Variants in NHSL1 observed in about 807,000 individuals in gnomAD.
The protein encoded by NHSL1 is NHS like 1, also known as NHS-like protein 1.
In NHSL1, 48 loss-of-function variants were observed where a neutral mutation model predicts 95.0. That is an observed-to-expected ratio of 0.51 (90% CI 0.40 to 0.64). The LOEUF (loss-of-function observed/expected upper bound fraction) is 0.64. Ranked by LOEUF, NHSL1 falls within the 30% of genes least tolerant of loss-of-function variation. NHSL1 has a pLI of 0.00. For synonymous variants in NHSL1, 783 were observed against 833.9 expected, an observed-to-expected ratio of 0.94 and a Z score of 1.05; for missense variants, 1,971 against 2,077.7, an observed-to-expected ratio of 0.95 and a Z score of 1.00.
chr6:138,596,481 G>A (rs922755716), intron 1 of NHSL1, among the ~76,000 whole-genome samples: 2 of 152,190 alleles, frequency 1.3e-5, no homozygotes, highest in Admixed American at 1.3e-4. Context: ...ATGTGGACAA[G>A]TCAAAATGTG....
rs10559023 is a variant in NHSL1, at chr6:138,505,652, CAAAAAAAAAAAA to C, written c.17-9293_17-9282del. ...TGGGCGACAGAGCTAGACTCCATTT[CAAAAAAAAAAAA>C]AAAAAAAAAGAATATGAAATATACA... On this transcript the variant is annotated intron_variant, in intron 1 of 4. Coordinates refer to the NHSL1 transcript ENST00000342260. 4.6e-5 allele frequency among the ~76,000 whole-genome samples: 4 copies of C among 87,696 alleles called. No homozygotes were observed. The South Asian group carries it at 1.4e-3, about 31-fold the overall frequency. 57.5% of individuals were successfully genotyped at this position (87,696 alleles called of 152,430 possible). A position where few individuals can be genotyped will look rare whatever the true frequency, so the allele number is the denominator to read the frequency against.
intron 3 of NHSL1, among the ~76,000 whole-genome samples, chr6:138,471,909 T>C (rs1464045748): frequency 1.3e-5 from 2 of 151,996 alleles, no homozygotes; most frequent in East Asian, 1.9e-4. Flanking sequence ...CCAGGCGCGG[T>C]GACTCATGCC....
chr6:138,621,061 C>T (rs1293800913), intron 1 of NHSL1, among the ~76,000 whole-genome samples: 1 of 152,110 alleles, frequency 6.6e-6, no homozygotes, highest in East Asian at 1.9e-4. Flanking sequence ...CACACCAGGC[C>T]CCAGTGGCAC....
intron 1 of NHSL1, among the ~76,000 whole-genome samples, chr6:138,545,232 C>T (rs1782744519): frequency 6.6e-6 from 1 of 151,976 alleles, no homozygotes; most frequent in Non-Finnish European, 1.5e-5. Context: ...GAATCCTTTA[C>T]CCTTTCTACT....
upstream of NHSL1, among the ~76,000 whole-genome samples, chr6:138,546,427 CAAAAAAAAAAAAAAAAAA>C (rs1177720465): frequency 6.7e-4 from 34 of 50,918 alleles, 1 homozygote; most frequent in Admixed American, 4.0e-3. Context: ...CCCATCTCTA[CAAAAAAAAAAAAAAAAAA>C]AAAAAAAAAA....
chr6:138,545,016 G>A (rs574011847), intron 1 of NHSL1, among the ~76,000 whole-genome samples: 1 of 111,330 alleles, frequency 9.0e-6, no homozygotes, highest in East Asian at 3.1e-4. Context: ...TTGAGACCGA[G>A]TTTCACTCTT....
intron 1 of NHSL1, among the ~76,000 whole-genome samples, chr6:138,611,528 C>T (rs568453988): frequency 4.6e-4 from 70 of 151,874 alleles, no homozygotes; most frequent in African/African-American, 1.6e-3. Flanking sequence ...AGGTGGATCA[C>T]GAGGTCAGGA....
rs139695266 is a variant in NHSL1 at position 138,424,112 on chromosome 6, T to C, written c.4790A>G (p.Gln1597Arg). The C allele has an allele frequency of 1.5e-4, 210 of 1,411,074 alleles. No individual in the cohort carries two copies. The African/African-American group carries it at 2.7e-3, about 18-fold the overall frequency. The allele number at this position is 1,411,074 out of a possible 1,614,324, so 87.4% of individuals were successfully genotyped here. A position where few individuals can be genotyped will look rare whatever the true frequency, so the allele number is the denominator to read the frequency against. Residue 1597 changes from glutamine (Q) to arginine (R), a missense_variant, in exon 8 of 8, where the codon CAG becomes CGG. Around this residue, in one of 3 missense-constraint regions of NHSL1, gnomAD observed 223 missense variants for 217.0 expected, o/e 1.03. Transcript: ENST00000343505. This position sits in a 1 kb window ranked among gnomAD's most constrained non-coding sequence, Gnocchi z 5.9. ...ASAEGREPSP[Q>R]CGGSLSEES ...CTCCTCGCTCAGAGAACCGCCACAC[T>C]GTGGGGAGGGCTCTCTGCCCTCTGC...
chr6:138,440,721 T>G (rs1583172430), intron 5 of NHSL1, among the ~76,000 whole-genome samples: 3 of 152,320 alleles, frequency 2.0e-5, no homozygotes, highest in East Asian at 3.9e-4. Context: ...CAGGGATGTT[T>G]GGGAAAACAA....
chr6:138,436,673 T>G (rs541962857), intron 5 of NHSL1, among the ~76,000 whole-genome samples: 5 of 152,356 alleles, frequency 3.3e-5, no homozygotes, highest in African/African-American at 1.2e-4. Flanking sequence ...TAGTGGAAGA[T>G]GTCATCTAGG....
intron 1 of NHSL1, among the ~76,000 whole-genome samples, chr6:138,633,199 C>A (rs1784842772): frequency 2.0e-5 from 3 of 152,050 alleles, no homozygotes; most frequent in South Asian, 4.2e-4. Flanking sequence ...ACAGGATTTA[C>A]AAAAAATAGC....
At chr6:138,497,984 G>A (rs1369098072) in intron 1 of NHSL1, among the ~76,000 whole-genome samples, 1 of 152,198 alleles carries the variant, frequency 6.6e-6, no homozygotes, top group African/African-American at 2.4e-5. Context: ...TTGGCACCTA[G>A]TATTTCATGT....
At chr6:138,514,952 T>C (rs1781397587) in intron 1 of NHSL1, among the ~76,000 whole-genome samples, 1 of 151,732 alleles carries the variant, frequency 6.6e-6, no homozygotes, top group Non-Finnish European at 1.5e-5. Context: ...AATCTTATTG[T>C]ACTGAATTCA....
At chr6:138,571,840 A>G in exon 1 of NHSL1, 1 of 1,551,846 alleles carries the variant, frequency 6.4e-7, no homozygotes, top group African/African-American at 1.4e-5. Context: ...AATTTATCCA[A>G]CTTACAGCAC....
intron 1 of NHSL1, among the ~76,000 whole-genome samples, chr6:138,671,687 A>C (rs1785373123): frequency 6.6e-6 from 1 of 152,212 alleles, no homozygotes; most frequent in Non-Finnish European, 1.5e-5. Flanking sequence ...GTGAATTCTT[A>C]AGGCAAAAAG....
intron 2 of NHSL1, among the ~76,000 whole-genome samples, chr6:138,492,681 C>T (rs1014428548): frequency 1.3e-5 from 2 of 152,178 alleles, no homozygotes; most frequent in Admixed American, 6.5e-5. Flanking sequence ...TTGATACTCG[C>T]TGTGTCGTTT....
At chr6:138,565,901 C>T (rs150504837) in intron 1 of NHSL1, among the ~76,000 whole-genome samples, 4,697 of 151,254 alleles carry the variant, frequency 0.031, 100 homozygotes, top group South Asian at 0.054. Context: ...TATGATTGTG[C>T]CATTGCACTC....
intron 1 of NHSL1, among the ~76,000 whole-genome samples, chr6:138,658,720 T>G (rs1416496090): frequency 6.6e-6 from 1 of 152,226 alleles, no homozygotes; most frequent in Admixed American, 6.5e-5. Flanking sequence ...GTAGTGGGAT[T>G]GCTGGGTCCA....
At chr6:138,447,882 C>T (rs1327399120) in intron 3 of NHSL1, among the ~76,000 whole-genome samples, 1 of 152,126 alleles carries the variant, frequency 6.6e-6, no homozygotes, top group Admixed American at 6.5e-5. Flanking sequence ...TTTAGTTTTG[C>T]TCAAAGTAAT....
Sources: allele counts gnomAD v4.1 joint callset (sites outside exome capture counted in the v4.1 genomes callset), GRCh38; gene constraint gnomAD v4.1.1; regional missense constraint gnomAD v4.1.1; non-coding constraint Gnocchi (gnomAD v3.1); transcripts MANE v1.5; gene names NCBI Gene and HGNC (gene_info 2026-07-23, HGNC 2026-07-21).